Variants in KDM4B observed in about 807,000 individuals in gnomAD.
The protein encoded by KDM4B is lysine demethylase 4B, also known as lysine-specific demethylase 4B.
KDM4B carries 32 observed loss-of-function variants against 125.2 expected under a neutral mutation model. The ratio of observed to expected loss-of-function variants is 0.26; its 90% CI spans 0.19 to 0.34. The LOEUF is 0.34. Among genes scored for constraint, KDM4B ranks in the 10% least tolerant of loss-of-function variants. The probability of loss-of-function intolerance (pLI) is 1.00; values close to 1 mark genes in which losing one functional copy is unlikely to be tolerated. For synonymous variants in KDM4B, 721 were observed against 677.9 expected (o/e 1.06, Z -0.99); for missense variants, 1,190 against 1,577.7 (o/e 0.75, Z 4.16).
intron 11 of KDM4B, among the ~76,000 whole-genome samples, chr19:5,120,753 C>T (rs1490529270): frequency 6.6e-6 from 1 of 152,120 alleles, no homozygotes; most frequent in Non-Finnish European, 1.5e-5. Flanking sequence ...AGCTAGGGCT[C>T]CCCGCTGGGA....
rs1201971709 is a variant in KDM4B at position 5,119,817 on chromosome 19, C to T, written c.1280C>T (p.Pro427Leu). Reference protein sequence around the residue: ...DPEEEEEEPQPLPHGREAEGA... With the variant: ...DPEEEEEEPQLLPHGREAEGA... ...GAGGAGGAGGAGGAGGAGCCGCAGC[C>T]ACTGCCACACGGCCGGGAGGCCGAG... is the stretch of plus-strand genomic sequence containing the variant. The change falls in exon 11 of 23, where the codon CCA (proline) becomes CTA (leucine). Residue 427 changes from proline to leucine, a missense_variant. Transcript: ENST00000159111. 5.2e-6 allele frequency: 8 copies of T among 1,544,128 alleles called. No individual in the cohort carries two copies. Among genetic ancestry groups the T allele is most frequent in the Non-Finnish European group, 6.1e-6 (7 of 1,144,674 alleles).
chr19:5,033,631 A>C (rs918002071), intron 3 of KDM4B, among the ~76,000 whole-genome samples: 12 of 152,172 alleles, frequency 7.9e-5, no homozygotes, highest in African/African-American at 2.2e-4. Flanking sequence ...TGGCAGAGTG[A>C]CTGGGTCAGG....
At position 5,131,437 on chromosome 19, in the gene KDM4B, G is replaced by C. The variant is rs549759229; in HGVS notation, c.1677G>C (p.Pro559=). 5.0e-6 allele frequency: 8 copies of C among 1,610,074 alleles called. No homozygotes were observed. In the South Asian group the frequency reaches 8.8e-5, roughly 18 times the overall value. ...TTGAGCACTTTGCCCAGAAGGGTCCGACCTGGAAGGAACCAGTTTCCCCCA... is the reference window on the plus strand; with the variant it reads ...TTGAGCACTTTGCCCAGAAGGGTCCCACCTGGAAGGAACCAGTTTCCCCCA... The part of the protein sequence containing the change: ...QAFEHFAQKG[P]TWKEPVSPME... Residue 559 remains proline, a synonymous_variant, in exon 12 of 23, where the codon CCG becomes CCC. Coordinates refer to ENST00000159111, the MANE Select transcript of KDM4B (RefSeq NM_015015.3).
chr19:5,029,521 C>T (rs1180363468), intron 2 of KDM4B, among the ~76,000 whole-genome samples: 1 of 152,194 alleles, frequency 6.6e-6, no homozygotes, highest in Non-Finnish European at 1.5e-5. Flanking sequence ...ACTTCCTAAG[C>T]ATGTCATTTC....
chr19:4,975,314 C>T (rs958012336), intron 1 of KDM4B, among the ~76,000 whole-genome samples: 3 of 152,204 alleles, frequency 2.0e-5, no homozygotes, highest in African/African-American at 7.2e-5. Flanking sequence ...AACGTGAATT[C>T]CGTGCAATTT....
rs146016795 is a variant in KDM4B at position 5,128,859 on chromosome 19, GC to G, written c.1316-2216del. On this transcript the variant is annotated intron_variant, in intron 11 of 22. Coordinates refer to ENST00000159111, the MANE Select transcript of KDM4B (RefSeq NM_015015.3). ...GGCCAGATAACAGTGGAGGCGGGGG[GC>G]GGGGGGGGGGGTCATATAACAGCGG... Among the ~76,000 whole-genome samples the G allele has an allele frequency of 2.0e-3, 277 of 137,714 alleles. 2 individuals are homozygous for G. The highest frequency in any genetic ancestry group is 6.3e-3 in the African/African-American group (235 of 37,260). The allele number at this position is 137,714 out of a possible 152,430, so 90.3% of individuals were successfully genotyped here.
In KDM4B at chr19:5,131,971, C is replaced by T. The variant is rs754156912; in HGVS notation, c.1870C>T (p.Leu624=). 58 of 1,611,368 alleles carry T rather than the reference C, an allele frequency of 3.6e-5. No homozygotes were observed. Among genetic ancestry groups the T allele is most frequent in the Non-Finnish European group, 4.8e-5 (57 of 1,179,314 alleles). ...PLGRPPTRSP[L]SVVKQEASSD... ...GGGCCGGCCGCCCACCCGGTCCCCA[C>T]TGTCGGTGGTGAAGCAGGAGGCCTC... The change falls in exon 13 of 23, where the codon CTG becomes TTG. Residue 624 remains leucine (L), a synonymous_variant. Transcript: ENST00000159111.
intron 21 of KDM4B, 68 bp from the exon 22 acceptor site, chr19:5,150,290 C>T: frequency 7.3e-7 from 1 of 1,372,830 alleles, no homozygotes; most frequent in East Asian, 2.5e-5. Context: ...GCTCTTGAGG[C>T]CGTGGCCTGC....
intron 1 of KDM4B, among the ~76,000 whole-genome samples, chr19:4,996,381 T>G (rs1019403697): frequency 2.6e-5 from 4 of 152,018 alleles, no homozygotes; most frequent in African/African-American, 9.7e-5. Context: ...CCTGTTTTAT[T>G]TTTATGTTTT....
At chr19:5,019,897 AGTGTGCAGGTGTTG>A (rs1353781723) in intron 2 of KDM4B, among the ~76,000 whole-genome samples, 6 of 38,086 alleles carry the variant, frequency 1.6e-4, no homozygotes, top group African/African-American at 6.6e-4. Context: ...TGCAGGTGTT[AGTGTGCAGGTGTTG>A]GTGTGGATGT....
chr19:5,118,491 G>A (rs955620150), intron 10 of KDM4B, among the ~76,000 whole-genome samples: 7 of 152,154 alleles, frequency 4.6e-5, no homozygotes, highest in African/African-American at 1.7e-4. Flanking sequence ...GGTGGGCCTG[G>A]AGGAGGTGCA....
intron 3 of KDM4B, among the ~76,000 whole-genome samples, chr19:5,036,309 A>G (rs1415339533): frequency 3.9e-5 from 6 of 152,222 alleles, no homozygotes; most frequent in Non-Finnish European, 7.3e-5. Flanking sequence ...AGAGATCTGC[A>G]GGCCCGATGG....
intron 2 of KDM4B, among the ~76,000 whole-genome samples, chr19:5,026,437 C>T (rs912048978): frequency 1.3e-5 from 2 of 152,206 alleles, no homozygotes; most frequent in Non-Finnish European, 2.9e-5. Flanking sequence ...CCCACTTCAG[C>T]CTCCCAGAGC....
intron 9 of KDM4B, among the ~76,000 whole-genome samples, chr19:5,092,397 A>C (rs1284209948): frequency 6.6e-6 from 1 of 152,144 alleles, no homozygotes; most frequent in Non-Finnish European, 1.5e-5. Context: ...CTGGGTCTCC[A>C]GGCTCCCTGC....
rs529019111 is a variant in KDM4B at position 5,077,179 on chromosome 19, G to T, written c.677-188G>T. The T allele has an allele frequency of 6.1e-5, 38 of 618,642 alleles. No homozygotes were observed. The African/African-American group carries it at 6.4e-4, about 10-fold the overall frequency. The allele number at this position is 618,642 out of a possible 1,614,324, so 38.3% of individuals were successfully genotyped here. On this transcript the variant is annotated intron_variant, in intron 7 of 22. Coordinates refer to ENST00000159111, the MANE Select transcript of KDM4B (RefSeq NM_015015.3). ...CAGGGCACTATGGGGCGGCTCCTGC[G>T]CATCTCCTTCCCCCCGACCTGCAGG...
At chr19:4,982,015 G>A (rs1376148047) in intron 1 of KDM4B, among the ~76,000 whole-genome samples, 4 of 152,202 alleles carry the variant, frequency 2.6e-5, no homozygotes, top group Non-Finnish European at 5.9e-5. Context: ...GAAGAGCCAG[G>A]TGCAGTGGCT....
At chr19:5,065,551 C>T (rs2037741478) in intron 6 of KDM4B, among the ~76,000 whole-genome samples, 1 of 152,228 alleles carries the variant, frequency 6.6e-6, no homozygotes, top group African/African-American at 2.4e-5. Flanking sequence ...ATCCATCAAG[C>T]CATTCCGGGG....
chr19:5,038,963 T>C (rs911125492), intron 3 of KDM4B, among the ~76,000 whole-genome samples: 2 of 152,242 alleles, frequency 1.3e-5, no homozygotes, highest in Non-Finnish European at 2.9e-5. Flanking sequence ...AGAACTTGGG[T>C]TGCCCCATAG....
At chr19:5,011,276 G>T (rs375077957) in intron 1 of KDM4B, among the ~76,000 whole-genome samples, 14 of 152,204 alleles carry the variant, frequency 9.2e-5, no homozygotes, top group Admixed American at 7.2e-4. Context: ...GCTCGATGCT[G>T]TTGGGGCATC....
Sources: allele counts gnomAD v4.1 joint callset (sites outside exome capture counted in the v4.1 genomes callset), GRCh38; gene constraint gnomAD v4.1.1; transcripts MANE v1.5; gene names NCBI Gene and HGNC (gene_info 2026-07-23, HGNC 2026-07-21).